The following FAM53A variants were observed in gnomAD, a reference collection of about 807,000 sequenced individuals.
FAM53A encodes the protein protein FAM53A.
In FAM53A, 28 loss-of-function variants were observed where a neutral mutation model predicts 26.6. The observed-to-expected ratio is 1.05, with a 90% CI of 0.78 to 1.45. FAM53A has a LOEUF of 1.45. Among genes scored for constraint, FAM53A ranks in the 40% most tolerant of loss-of-function variants. The pLI is 0.00. For synonymous variants in FAM53A, 290 were observed against 253.1 expected (o/e 1.15, Z -1.38); for missense variants, 650 against 575.8 (o/e 1.13, Z -1.32).
intron 2 of FAM53A, among the ~76,000 whole-genome samples, chr4:1,665,917 G>A (rs1714187122): frequency 6.6e-6 from 1 of 151,578 alleles, no homozygotes; most frequent in African/African-American, 2.4e-5. Flanking sequence ...TGACAAACCT[G>A]CACCTGCACC....
At chr4:1,680,896 G>A (rs1198219740) in intron 1 of FAM53A, among the ~76,000 whole-genome samples, 1 of 152,066 alleles carries the variant, frequency 6.6e-6, no homozygotes, top group African/African-American at 2.4e-5. Context: ...ATACTATAAT[G>A]GTTGACAAAG....
intron 1 of FAM53A, among the ~76,000 whole-genome samples, chr4:1,629,427 G>A (rs777733249): frequency 3.9e-5 from 6 of 152,226 alleles, no homozygotes; most frequent in Non-Finnish European, 4.4e-5. Context: ...AGGGTGGCCC[G>A]AGTCAGTCCT....
At position 1,673,728 on chromosome 4, in the gene FAM53A, G is replaced by A. The variant is rs10023190; in HGVS notation, c.-164-4823C>T. Among the ~76,000 whole-genome samples, 945 of 152,184 alleles carry A rather than the reference G, an allele frequency of 6.2e-3. 11 individuals are homozygous for A. The highest frequency in any genetic ancestry group is 0.021 in the African/African-American group (885 of 41,518). The stretch of plus-strand genomic sequence containing the variant: ...CAGTGTGGTGACCGAGCGAGACTCC[G>A]TTTCAAAAAAAAATCAGATAAAGTG... On this transcript the variant is annotated intron_variant, in intron 1 of 4. Transcript: ENST00000308132.
At chr4:1,622,772 G>GCACCACATT (rs1240220580) in intron 1 of FAM53A, among the ~76,000 whole-genome samples, 1 of 152,158 alleles carries the variant, frequency 6.6e-6, no homozygotes, top group Non-Finnish European at 1.5e-5. Flanking sequence ...TCAGACTCAG[G>GCACCACATT]CACCACATTT....
At chr4:1,633,701 G>C (rs751295674) in intron 1 of FAM53A, among the ~76,000 whole-genome samples, 25 of 152,164 alleles carry the variant, frequency 1.6e-4, no homozygotes, top group Non-Finnish European at 3.7e-4. Context: ...CTCATCAACA[G>C]AGCGGGGAAG....
At chr4:1,584,520 G>A in the FAM53A span, among the ~76,000 whole-genome samples, 1 of 152,222 alleles carries the variant, frequency 6.6e-6, no homozygotes, top group African/African-American at 2.4e-5. Context: ...TGAGTAACTT[G>A]GGAAAGGTTC....
chr4:1,579,943 G>C, the FAM53A span, among the ~76,000 whole-genome samples: 3 of 152,176 alleles, frequency 2.0e-5, no homozygotes, highest in Admixed American at 2.0e-4. Flanking sequence ...ACAATGGCAG[G>C]AATAAAATAA....
intron 2 of FAM53A, among the ~76,000 whole-genome samples, chr4:1,663,478 G>C (rs939382133): frequency 1.3e-5 from 2 of 152,142 alleles, no homozygotes; most frequent in Non-Finnish European, 2.9e-5. Flanking sequence ...TCCAAAAACA[G>C]AGGAACGGAT....
chr4:1,670,540 C>T (rs764356808), intron 1 of FAM53A, among the ~76,000 whole-genome samples: 1 of 152,232 alleles, frequency 6.6e-6, no homozygotes, highest in African/African-American at 2.4e-5. Context: ...GGGGACACAC[C>T]ACATCAGCTA....
At chr4:1,645,378 G>A (rs1358958350) in intron 4 of FAM53A, among the ~76,000 whole-genome samples, 1 of 152,242 alleles carries the variant, frequency 6.6e-6, no homozygotes, top group African/African-American at 2.4e-5. Flanking sequence ...CCCTGCAGAA[G>A]AGAGGGTTAT....
intron 2 of FAM53A, among the ~76,000 whole-genome samples, chr4:1,660,759 A>G (rs1456330653): frequency 1.3e-5 from 2 of 151,500 alleles, no homozygotes; most frequent in African/African-American, 4.9e-5. Context: ...CGTGGTGGCG[A>G]GTGCCTGTAG....
Position 1,655,465 on chromosome 4 carries a change from C to T in FAM53A, c.395G>A (p.Arg132His), listed in dbSNP as rs1168570310. The change falls in exon 4 of 5, where the codon CGC becomes CAC. Residue 132 changes from arginine to histidine, a missense_variant. Physicochemically the swap from Arg to His is conservative, Grantham distance 29. Transcript: ENST00000308132. Reference sequence around the variant, plus strand: ...GCCGGGGCGCCAGGGGGACCGGCAGCGCACAAGCTCCTCGGGTTCTGACAA... The same window carrying T: ...GCCGGGGCGCCAGGGGGACCGGCAGTGCACAAGCTCCTCGGGTTCTGACAA... ...RSLSEPEELV[R>H]CRSPWRPGSS... 15 of 1,562,554 alleles carry T rather than the reference C, an allele frequency of 9.6e-6. No homozygotes were observed. The Admixed American group carries it at 1.5e-4, about 16-fold the overall frequency.
chr4:1,592,306 C>A, the FAM53A span, among the ~76,000 whole-genome samples: 1 of 152,220 alleles, frequency 6.6e-6, no homozygotes, highest in African/African-American at 2.4e-5. Flanking sequence ...CGTCCACACG[C>A]GGCCCCATCA....
At chr4:1,683,203 T>C (rs376592867) in intron 1 of FAM53A, among the ~76,000 whole-genome samples, 5 of 152,178 alleles carry the variant, frequency 3.3e-5, no homozygotes, top group Non-Finnish European at 5.9e-5. Flanking sequence ...ACAATGTCAG[T>C]TTCCATTTTG....
the FAM53A span, among the ~76,000 whole-genome samples, chr4:1,592,129 G>A: frequency 6.6e-6 from 1 of 152,094 alleles, no homozygotes. Flanking sequence ...CTGTGCCTAC[G>A]TGTTAATGCA....
At chr4:1,588,219 A>G in the FAM53A span, among the ~76,000 whole-genome samples, 13 of 152,302 alleles carry the variant, frequency 8.5e-5, no homozygotes, top group Admixed American at 2.0e-4. Context: ...AATTGTTTCA[A>G]CACTGTTGTG....
chr4:1,583,658 C>A, the FAM53A span, among the ~76,000 whole-genome samples: 1 of 152,258 alleles, frequency 6.6e-6, no homozygotes, highest in Non-Finnish European at 1.5e-5. Context: ...GCTCCTGACC[C>A]TGCTGCTGTG....
the FAM53A span, among the ~76,000 whole-genome samples, chr4:1,584,908 G>C: frequency 1.3e-5 from 2 of 152,250 alleles, no homozygotes; most frequent in African/African-American, 4.8e-5. Context: ...AAGGAGAGGA[G>C]ACAGACTTCA....
chr4:1,676,168 C>T (rs1715028146), intron 1 of FAM53A, among the ~76,000 whole-genome samples: 1 of 152,214 alleles, frequency 6.6e-6, no homozygotes, highest in East Asian at 1.9e-4. Flanking sequence ...ACTGGCCAGC[C>T]GTCCTTGGAG....
Sources: gnomAD v4.1 joint callset for allele counts (sites outside exome capture counted in the v4.1 genomes callset) on GRCh38, gnomAD v4.1.1 for gene constraint, MANE v1.5 for transcripts, NCBI Gene and HGNC (gene_info 2026-07-23, HGNC 2026-07-21) for gene names.